Variants in TMEM132D observed in about 807,000 individuals in gnomAD.
The protein encoded by TMEM132D is mature OL transmembrane protein.
In TMEM132D, 21 loss-of-function variants were observed where a neutral mutation model predicts 62.3. That is an observed-to-expected ratio of 0.34 (90% confidence interval 0.24 to 0.49). The LOEUF (loss-of-function observed/expected upper bound fraction) is 0.49. Ranked by LOEUF, TMEM132D falls within the 20% of genes least tolerant of loss-of-function variation. The pLI is 0.99. For missense variants in TMEM132D, 1,346 were observed against 1,402.8 expected (o/e 0.96, Z 0.65); for synonymous variants, 621 against 575.6 (o/e 1.08, Z -1.13).
At chr12:129,825,908 T>A (rs1489675800) in intron 1 of TMEM132D, among the ~76,000 whole-genome samples, 2 of 151,694 alleles carry the variant, frequency 1.3e-5, no homozygotes, top group African/African-American at 4.8e-5. Flanking sequence ...TACAAAAAAA[T>A]TAAAAAATTA....
rs565579930 is a variant in TMEM132D, at chr12:129,599,110, C to G, written c.969-67905G>C. Among the ~76,000 whole-genome samples, 12 of 152,256 alleles carry G rather than the reference C, an allele frequency of 7.9e-5. No homozygotes were observed. The South Asian group carries it at 2.5e-3, about 32-fold the overall frequency. On this transcript the variant is annotated intron_variant, in intron 2 of 8. Transcript: ENST00000422113. ...CAAAGAGGGGACCAAGCTGAGGATG[C>G]AGAGAGGAGAGCACAGCTGAGAAGT...
At chr12:129,611,739 T>C (rs552546846) in intron 2 of TMEM132D, among the ~76,000 whole-genome samples, 37 of 152,312 alleles carry the variant, frequency 2.4e-4, no homozygotes, top group African/African-American at 8.4e-4. Flanking sequence ...TAATTCATCA[T>C]TGATGCTCAC....
At chr12:129,611,376 T>A (rs1005549615) in intron 2 of TMEM132D, among the ~76,000 whole-genome samples, 1 of 152,218 alleles carries the variant, frequency 6.6e-6, no homozygotes, top group African/African-American at 2.4e-5. Context: ...AATTCCCTTA[T>A]CTGTAAATGT....
Position 129,827,159 on chromosome 12 carries a change from C to T in TMEM132D, c.79+76102G>A, listed in dbSNP as rs1288614210. Among the ~76,000 whole-genome samples the T allele has an allele frequency of 3.3e-5, 5 of 152,166 alleles. No individual in the cohort carries two copies. The highest frequency in any genetic ancestry group is 4.8e-5 in the African/African-American group (2 of 41,456). On this transcript the variant is annotated intron_variant, in intron 1 of 8. Transcript: ENST00000422113. The surrounding 1 kb of genome is among the most constrained non-coding windows in gnomAD (Gnocchi z 9.7). ...AATAGCAATTAATAATTAAGCGCGT[C>T]TCTATATTTGATCTTCTGCTAAGCT...
At chr12:129,710,935 C>A (rs898498694) in intron 1 of TMEM132D, among the ~76,000 whole-genome samples, 38 of 152,096 alleles carry the variant, frequency 2.5e-4, no homozygotes, top group Non-Finnish European at 7.4e-5. Context: ...TACCCACGCG[C>A]ATTCCCCGGC....
chr12:129,549,706 A>G (rs758523435), intron 2 of TMEM132D, among the ~76,000 whole-genome samples: 1 of 152,220 alleles, frequency 6.6e-6, no homozygotes, highest in Admixed American at 6.5e-5. Flanking sequence ...GACTTTGGGC[A>G]TAGTCACGTG....
chr12:129,516,486 C>T (rs1875684097), intron 3 of TMEM132D, among the ~76,000 whole-genome samples: 2 of 152,152 alleles, frequency 1.3e-5, no homozygotes, highest in African/African-American at 4.8e-5. Flanking sequence ...TACATGGTGG[C>T]AGACAGGAGA....
chr12:129,661,999 T>TGTAATAGAAGTGTAATAG (rs1480110732), intron 2 of TMEM132D, among the ~76,000 whole-genome samples: 2 of 152,204 alleles, frequency 1.3e-5, no homozygotes, highest in Non-Finnish European at 2.9e-5. Flanking sequence ...TGATCTGTGG[T>TGTAATAGAAGTGTAATAG]ACAGCTCAGA....
Position 129,498,373 on chromosome 12 carries a change from C to A in TMEM132D, c.1115+32686G>T, listed in dbSNP as rs185916024. Among the ~76,000 whole-genome samples, 12 of 152,260 alleles carry A rather than the reference C, an allele frequency of 7.9e-5. No homozygotes were observed. In the East Asian group the frequency reaches 2.3e-3, roughly 29 times the overall value. ...GGTTCAAGGGATTTTCCTGCCTCAG[C>A]CTCCTGAGCACCCGGGGTTACAGGC... is the stretch of plus-strand genomic sequence containing the variant. On this transcript the variant is annotated intron_variant, in intron 3 of 8. Coordinates refer to ENST00000422113, the MANE Select transcript of TMEM132D (RefSeq NM_133448.3).
At chr12:129,510,773 C>A (rs1203585216) in intron 3 of TMEM132D, among the ~76,000 whole-genome samples, 1 of 152,134 alleles carries the variant, frequency 6.6e-6, no homozygotes, top group African/African-American at 2.4e-5. Flanking sequence ...TATTTTTTGC[C>A]ATTTCTTTCA....
intron 1 of TMEM132D, among the ~76,000 whole-genome samples, chr12:129,720,813 T>G (rs1009016604): frequency 6.6e-6 from 1 of 152,210 alleles, no homozygotes; most frequent in African/African-American, 2.4e-5. Flanking sequence ...CAATAATCAA[T>G]AATCATTAAT....
At chr12:129,390,929 T>C (rs1871273647) in intron 3 of TMEM132D, among the ~76,000 whole-genome samples, 1 of 152,222 alleles carries the variant, frequency 6.6e-6, no homozygotes, top group South Asian at 2.1e-4. Context: ...TTGAGCTTAA[T>C]ATTCCCTCCC....
At chr12:129,195,018 C>T (rs1230638572) in intron 5 of TMEM132D, among the ~76,000 whole-genome samples, 1 of 152,184 alleles carries the variant, frequency 6.6e-6, no homozygotes, top group South Asian at 2.1e-4. Flanking sequence ...CAAAACCAAC[C>T]AGTCCTCACC....
At chr12:129,631,745 C>T (rs777813532) in intron 2 of TMEM132D, among the ~76,000 whole-genome samples, 5 of 152,138 alleles carry the variant, frequency 3.3e-5, no homozygotes, top group Non-Finnish European at 5.9e-5. Context: ...GGAATCGTCA[C>T]GGAATAGGTG....
chr12:129,820,159 C>T (rs1355824924), intron 1 of TMEM132D, among the ~76,000 whole-genome samples: 1 of 152,202 alleles, frequency 6.6e-6, no homozygotes, highest in African/African-American at 2.4e-5. Flanking sequence ...GACCAAGTCC[C>T]TCAAGCAGCC....
rs1314275968 is a variant in TMEM132D, at chr12:129,073,514, T to C, written c.*361A>G. ...TACTTTTCTTCCATAGTCTGCAATATTGAATATTGGAGCCATGTGGATTTT... is the reference window on the plus strand; with the variant it reads ...TACTTTTCTTCCATAGTCTGCAATACTGAATATTGGAGCCATGTGGATTTT... On this transcript the variant is annotated 3_prime_UTR_variant, in exon 9 of 9. Coordinates refer to ENST00000422113, the MANE Select transcript of TMEM132D (RefSeq NM_133448.3). 1 of 185,364 alleles carries C rather than the reference T, an allele frequency of 5.4e-6. No homozygotes were observed. Among genetic ancestry groups the C allele is most frequent in the Non-Finnish European group, 1.1e-5 (1 of 90,128 alleles). The allele number at this position is 185,364 out of a possible 1,614,324, so 11.5% of individuals were successfully genotyped here.
intron 3 of TMEM132D, among the ~76,000 whole-genome samples, chr12:129,370,724 T>C (rs975253847): frequency 2.0e-5 from 3 of 152,250 alleles, no homozygotes; most frequent in African/African-American, 4.8e-5. Flanking sequence ...TCTGTCATTT[T>C]CAGCAACATA....
rs569941604 is a variant in TMEM132D at position 129,586,773 on chromosome 12, G to A, written c.969-55568C>T. On this transcript the variant is annotated intron_variant, in intron 2 of 8. Transcript: ENST00000422113. ...CACCAATGATCTTCAAGGCTTATTT[G>A]TTACAATACCATAGCCTAGCCTATC... Among the ~76,000 whole-genome samples the A allele has an allele frequency of 3.3e-5, 5 of 152,242 alleles. No homozygotes were observed. In the East Asian group the frequency reaches 7.7e-4, roughly 24 times the overall value.
At chr12:129,605,612 C>CT (rs1878601528) in intron 2 of TMEM132D, among the ~76,000 whole-genome samples, 1 of 77,258 alleles carries the variant, frequency 1.3e-5, no homozygotes, top group African/African-American at 5.8e-5. Context: ...TATACACACA[C>CT]ATATATATAT....
Sources: gnomAD v4.1 joint callset for allele counts (sites outside exome capture counted in the v4.1 genomes callset) on GRCh38, gnomAD v4.1.1 for gene constraint, Gnocchi (gnomAD v3.1) non-coding constraint, MANE v1.5 for transcripts, NCBI Gene and HGNC (gene_info 2026-07-23, HGNC 2026-07-21) for gene names.